The following GNB5 variants were observed in gnomAD, a reference collection of about 807,000 sequenced individuals.
The protein encoded by GNB5 is G protein subunit beta 5, also known as guanine nucleotide-binding protein subunit beta-5.
A neutral mutation model predicts 55.3 loss-of-function variants in GNB5; 37 were observed. The observed-to-expected ratio is 0.67, with a 90% CI of 0.51 to 0.88. GNB5 has a LOEUF of 0.88. GNB5 is among the 40% of genes least tolerant of loss of function. The pLI, the probability that GNB5 is intolerant of heterozygous loss-of-function variation, is 0.00. For synonymous variants in GNB5, 219 were observed against 198.5 expected (o/e 1.10, Z -0.87); for missense variants, 476 against 515.3 (o/e 0.92, Z 0.74).
intron 1 of GNB5, among the ~76,000 whole-genome samples, chr15:52,187,965 T>TA (rs36051999): frequency 0.25 from 36,728 of 148,208 alleles, 4,924 homozygotes; most frequent in Admixed American, 0.35. Flanking sequence ...AATTAAAAAT[T>TA]AAAAATAAAT....
chr15:52,127,993 G>GT (rs1669376808), intron 10 of GNB5, among the ~76,000 whole-genome samples: 1 of 152,042 alleles, frequency 6.6e-6, no homozygotes, highest in Admixed American at 6.5e-5. Context: ...CATTTTGTTT[G>GT]TTAAAAAGAA....
chr15:52,137,723 T>A, intron 7 of GNB5: 1 of 1,188,862 alleles, frequency 8.4e-7, no homozygotes, highest in Non-Finnish European at 1.1e-6. Context: ...AGAAAGGCAG[T>A]GAGGACTCAG....
At position 52,179,440 on chromosome 15, in the gene GNB5, C is replaced by T. The variant is rs1000802257; in HGVS notation, c.238+328G>A. On this transcript the variant is annotated intron_variant, in intron 3 of 12. Coordinates refer to ENST00000261837, the MANE Select transcript of GNB5 (RefSeq NM_016194.4). ...TCACCACCGACACCCCACCCCCTGC[C>T]CTCCGCATGGGAGGGGCAAGAACGC... Among the ~76,000 whole-genome samples, 5 of 152,120 alleles carry T rather than the reference C, an allele frequency of 3.3e-5. No homozygotes were observed. The South Asian group carries it at 1.0e-3, about 32-fold the overall frequency.
intron 5 of GNB5, among the ~76,000 whole-genome samples, chr15:52,149,098 A>G (rs1004560492): frequency 4.6e-5 from 7 of 151,976 alleles, no homozygotes; most frequent in Non-Finnish European, 1.0e-4. Flanking sequence ...TAGGGACTCG[A>G]CTCTACAAAA....
intron 7 of GNB5, among the ~76,000 whole-genome samples, chr15:52,136,036 A>G (rs1005083272): frequency 1.4e-5 from 2 of 139,738 alleles, no homozygotes; most frequent in Non-Finnish European, 3.0e-5. Context: ...AGTCAATCAG[A>G]GGCTTAACGT....
intron 7 of GNB5, among the ~76,000 whole-genome samples, chr15:52,140,661 A>G (rs2033831297): frequency 6.6e-6 from 1 of 152,244 alleles, no homozygotes; most frequent in East Asian, 1.9e-4. Context: ...TTAAAGTGAT[A>G]AAGGTTGTGT....
rs1341100858 is a variant in GNB5, at chr15:52,117,114, T to TTTTTTTTTTTTTTTTTTTTTTTGG, written c.*5642_*5643insCCAAAAAAAAAAAAAAAAAAAAAA. 1 of 85,600 alleles carries TTTTTTTTTTTTTTTTTTTTTTTGG rather than the reference T, an allele frequency of 1.2e-5. No homozygotes were observed. Among genetic ancestry groups the TTTTTTTTTTTTTTTTTTTTTTTGG allele is most frequent in the East Asian group, 4.1e-4 (1 of 2,458 alleles). 5.3% of individuals were successfully genotyped at this position (85,600 alleles called of 1,614,324 possible). A position where few individuals can be genotyped will look rare whatever the true frequency, so the allele number is the denominator to read the frequency against. Reference sequence around the variant, plus strand: ...AATATATATATATATTTTTTTTTAGTACAGACAGGGTTTCACCGTGTTAGC... The same window carrying TTTTTTTTTTTTTTTTTTTTTTTGG: ...AATATATATATATATTTTTTTTTAGTTTTTTTTTTTTTTTTTTTTTTTGGACAGACAGGGTTTCACCGTGTTAGC... On this transcript the variant is annotated 3_prime_UTR_variant, in exon 13 of 13. Transcript: ENST00000261837.
intron 3 of GNB5, among the ~76,000 whole-genome samples, chr15:52,177,695 C>G (rs986843731): frequency 9.9e-5 from 15 of 151,682 alleles, no homozygotes; most frequent in Non-Finnish European, 1.5e-4. Context: ...ATGAGAGAAC[C>G]TGGCTGGGAG....
chr15:52,124,380 G>T, intron 12 of GNB5, 93 bp downstream of exon 12: 1 of 1,044,116 alleles, frequency 9.6e-7, no homozygotes, highest in Non-Finnish European at 1.4e-6. Flanking sequence ...GCCCACCTGA[G>T]CTTACTCTGA....
chr15:52,156,243 C>T (rs1266607888), intron 3 of GNB5, among the ~76,000 whole-genome samples: 1 of 152,222 alleles, frequency 6.6e-6, no homozygotes, highest in African/African-American at 2.4e-5. Flanking sequence ...TTCCCATGAC[C>T]TTCTGACATG....
intron 8 of GNB5, among the ~76,000 whole-genome samples, chr15:52,134,056 A>G (rs1041470000): frequency 2.6e-5 from 4 of 152,224 alleles, no homozygotes; most frequent in African/African-American, 7.2e-5. Context: ...GGGTGCTGCC[A>G]TCGACGCGCA....
chr15:52,183,946 G>C (rs1252305660), intron 2 of GNB5, among the ~76,000 whole-genome samples: 1 of 152,158 alleles, frequency 6.6e-6, no homozygotes, highest in Non-Finnish European at 1.5e-5. Flanking sequence ...CCTAGTCTTT[G>C]TTGAAGGCTT....
At chr15:52,164,563 G>T (rs984656434) in intron 3 of GNB5, among the ~76,000 whole-genome samples, 7 of 152,032 alleles carry the variant, frequency 4.6e-5, no homozygotes, top group Admixed American at 1.3e-4. Context: ...GGGAGGCGGA[G>T]CTTGCAGTGA....
Position 52,133,363 on chromosome 15 carries a change from A to G in GNB5, c.863+15T>C, listed in dbSNP as rs752270898. The G allele has an allele frequency of 1.3e-6, 2 of 1,536,782 alleles. No individual in the cohort carries two copies. Among genetic ancestry groups the G allele is most frequent in the South Asian group, 1.1e-5 (1 of 89,536 alleles). The stretch of plus-strand genomic sequence containing the variant: ...GGCAGAACAGAGAGGTGGCATGAAC[A>G]TTCTACTCACTGACCGGACACTGTT... On this transcript the variant is annotated intron_variant, in intron 9 of 12. Transcript: ENST00000261837.
At chr15:52,137,993 T>G (rs2033764734) in intron 7 of GNB5, 1 of 1,276,356 alleles carries the variant, frequency 7.8e-7, no homozygotes, top group Non-Finnish European at 1.0e-6. Context: ...TAGCATGCAA[T>G]GCAACCACTG....
intron 6 of GNB5, among the ~76,000 whole-genome samples, chr15:52,142,817 G>T (rs2033887616): frequency 6.7e-6 from 1 of 150,132 alleles, no homozygotes; most frequent in Non-Finnish European, 1.5e-5. Context: ...GTATTCTTGG[G>T]TAGTTTCTTA....
Position 52,124,795 on chromosome 15 carries a change from AGTCCCT to A in GNB5, c.1010-162_1010-157del, listed in dbSNP as rs1270804353. 7.9e-6 allele frequency: 5 copies of A among 634,590 alleles called. No individual in the cohort carries two copies. In the East Asian group the frequency reaches 1.3e-4, roughly 17 times the overall value. 39.3% of individuals were successfully genotyped at this position (634,590 alleles called of 1,614,324 possible). ...CAAGGATTCAAAGGGGAGAAAGCAC[AGTCCCT>A]GTCCCTGTTGGAGGATGTGGGGCTG... is the stretch of plus-strand genomic sequence containing the variant. On this transcript the variant is annotated intron_variant, in intron 11 of 12. Coordinates refer to ENST00000261837, the MANE Select transcript of GNB5 (RefSeq NM_016194.4).
intron 9 of GNB5, 48 bp downstream of exon 9, chr15:52,133,330 G>T: frequency 7.8e-7 from 1 of 1,284,650 alleles, no homozygotes; most frequent in Non-Finnish European, 1.1e-6. Flanking sequence ...CCCAAGCCAG[G>T]CAATGCCGGC....
chr15:52,161,583 G>A (rs1220387923), intron 3 of GNB5, among the ~76,000 whole-genome samples: 1 of 152,218 alleles, frequency 6.6e-6, no homozygotes, highest in Non-Finnish European at 1.5e-5. Context: ...TTACAGGTGT[G>A]AGCCACCGTG....
Sources: gnomAD v4.1 joint callset for allele counts (sites outside exome capture counted in the v4.1 genomes callset) on GRCh38, gnomAD v4.1.1 for gene constraint, MANE v1.5 for transcripts, NCBI Gene and HGNC (gene_info 2026-07-23, HGNC 2026-07-21) for gene names.